PTPRQ: variants seen among roughly 807,000 people sequenced by gnomAD.
The protein encoded by PTPRQ is protein tyrosine phosphatase receptor type Q.
Under a neutral mutation model 246.0 loss-of-function variants are expected in PTPRQ, and 199 were observed. The ratio of observed to expected loss-of-function variants is 0.81; its 90% CI spans 0.72 to 0.91. The LOEUF is 0.91. Ranked by LOEUF, PTPRQ falls within the 40% of genes least tolerant of loss-of-function variation. PTPRQ has a pLI of 0.00. For synonymous variants in PTPRQ, 869 were observed against 853.2 expected (o/e 1.02, Z -0.32); for missense variants, 2,624 against 2,528.4 (o/e 1.04, Z -0.81).
chr12:80,568,374 T>TCAATATTTTATCCTTTGCAC (rs1372470002), intron 25 of PTPRQ, among the ~76,000 whole-genome samples: 3 of 152,198 alleles, frequency 2.0e-5, no homozygotes, highest in African/African-American at 7.2e-5. Flanking sequence ...AGATCAGTTT[T>TCAATATTTTATCCTTTGCAC]CAATATTTTA....
chr12:80,608,563 CTTATAAA>C (rs1898422550), intron 27 of PTPRQ, among the ~76,000 whole-genome samples: 1 of 148,766 alleles, frequency 6.7e-6, no homozygotes. Context: ...ATAAATTATA[CTTATAAA>C]TTATAAATTT....
At chr12:80,633,316 A>T (rs11114537) in intron 34 of PTPRQ, among the ~76,000 whole-genome samples, 25,445 of 152,232 alleles carry the variant, frequency 0.17, 2,719 homozygotes, top group Non-Finnish European at 0.24. Flanking sequence ...CACTTGTAAA[A>T]TATCCAGCTT....
chr12:80,545,447 G>T (rs1896274433), intron 23 of PTPRQ, among the ~76,000 whole-genome samples: 2 of 151,954 alleles, frequency 1.3e-5, no homozygotes, highest in African/African-American at 4.8e-5. Flanking sequence ...TTTATATTTT[G>T]TCAGATATAA....
chr12:80,484,376 C>G, intron 8 of PTPRQ, 57 bp from the exon 9 acceptor site: 1 of 1,468,858 alleles, frequency 6.8e-7, no homozygotes, highest in Non-Finnish European at 9.0e-7. Flanking sequence ...ACTTTTTTCA[C>G]TTGAAAAAAT....
At chr12:80,453,204 C>G (rs1354702349) in intron 3 of PTPRQ, among the ~76,000 whole-genome samples, 1 of 152,192 alleles carries the variant, frequency 6.6e-6, no homozygotes, top group Non-Finnish European at 1.5e-5. Context: ...CGAGCCTTGG[C>G]TTTCAGCTCC....
intron 29 of PTPRQ, 90 bp downstream of exon 29, chr12:80,613,926 G>A: frequency 7.5e-7 from 1 of 1,334,830 alleles, no homozygotes; most frequent in East Asian, 2.9e-5. Flanking sequence ...GTGTACACAT[G>A]ACATTTCCCA....
intron 3 of PTPRQ, among the ~76,000 whole-genome samples, chr12:80,450,861 T>A (rs928156753): frequency 1.3e-5 from 2 of 152,072 alleles, no homozygotes; most frequent in Admixed American, 6.6e-5. Flanking sequence ...TGTCTCTGCC[T>A]GGCTTTGGTA....
At chr12:80,581,717 A>G (rs1156554040) in intron 25 of PTPRQ, among the ~76,000 whole-genome samples, 13 of 152,204 alleles carry the variant, frequency 8.5e-5, no homozygotes, top group Non-Finnish European at 1.6e-4. Flanking sequence ...TGGAAAATAT[A>G]TCTTCATCAA....
At position 80,507,200 on chromosome 12, in the gene PTPRQ, A is replaced by G. The variant is rs576235763; in HGVS notation, c.2557+530A>G. Among the ~76,000 whole-genome samples, 8 of 140,540 alleles carry G rather than the reference A, an allele frequency of 5.7e-5. 1 individual carries two copies. Among genetic ancestry groups the G allele is most frequent in the African/African-American group, 2.3e-4 (8 of 34,712 alleles). The allele number at this position is 140,540 out of a possible 152,430, so 92.2% of individuals were successfully genotyped here. On this transcript the variant is annotated intron_variant, in intron 16 of 44. Coordinates refer to ENST00000644991, the MANE Select transcript of PTPRQ (RefSeq NM_001145026.2). ...TGAATATTTAAACATACCTTTCCCT[A>G]ACCCAAATAAAGTCAACTTTACTAC...
At chr12:80,548,508 G>C (rs957328008) in intron 24 of PTPRQ, among the ~76,000 whole-genome samples, 1 of 152,040 alleles carries the variant, frequency 6.6e-6, no homozygotes, top group Non-Finnish European at 1.5e-5. Context: ...TTATCTTACA[G>C]AGGAAGAAAA....
intron 25 of PTPRQ, among the ~76,000 whole-genome samples, chr12:80,573,180 A>G (rs1056174299): frequency 1.3e-5 from 2 of 152,118 alleles, no homozygotes; most frequent in African/African-American, 4.8e-5. Context: ...AACTACTCAT[A>G]CTTTCTTTTT....
intron 18 of PTPRQ, among the ~76,000 whole-genome samples, 182 bp downstream of exon 18, chr12:80,534,357 T>TG (rs544303261): frequency 2.6e-5 from 4 of 152,084 alleles, no homozygotes; most frequent in Non-Finnish European, 4.4e-5. Context: ...AATCTCTGTG[T>TG]GCCTCAATTT....
intron 38 of PTPRQ, among the ~76,000 whole-genome samples, chr12:80,656,650 C>A (rs1255246014): frequency 2.0e-5 from 3 of 151,908 alleles, no homozygotes; most frequent in Non-Finnish European, 4.4e-5. Context: ...TCTAGTTTTA[C>A]TAGCTCTTAA....
intron 6 of PTPRQ, among the ~76,000 whole-genome samples, chr12:80,464,044 A>T (rs1893307867): frequency 6.6e-6 from 1 of 152,084 alleles, no homozygotes; most frequent in Admixed American, 6.5e-5. Context: ...TAAATGGACT[A>T]AATGCTCCAA....
intron 17 of PTPRQ, among the ~76,000 whole-genome samples, chr12:80,515,908 T>C (rs984350798): frequency 1.3e-5 from 2 of 152,212 alleles, no homozygotes; most frequent in African/African-American, 4.8e-5. Flanking sequence ...ATTTGATTTG[T>C]AGATGGTATG....
At chr12:80,585,757 AGT>A (rs1410700383) in intron 25 of PTPRQ, among the ~76,000 whole-genome samples, 4 of 151,042 alleles carry the variant, frequency 2.6e-5, no homozygotes, top group Admixed American at 2.0e-4. Flanking sequence ...TTATACTTTA[AGT>A]TTTAGGGTAC....
chr12:80,622,102 A>C lies in PTPRQ; in HGVS notation c.5654A>C (p.Asp1885Ala). The part of the protein sequence containing the change: ...RATNIMGQFT[D>A]SDYSDPVKTL... ...ACAAATATTATGGGACAATTTACTGACTCTGATTATTCTGACCCTGTTAAG... is the reference window on the plus strand; with the variant it reads ...ACAAATATTATGGGACAATTTACTGCCTCTGATTATTCTGACCCTGTTAAG... Residue 1885 changes from aspartate to alanine, a missense_variant, in exon 33 of 45, where the codon GAC becomes GCC. Asp to Ala is a moderately radical substitution (Grantham distance 126). Transcript: ENST00000644991. The C allele has an allele frequency of 6.9e-7, 1 of 1,449,412 alleles. No individual in the cohort carries two copies. The highest frequency in any genetic ancestry group is 9.1e-7 in the Non-Finnish European group (1 of 1,097,638). The allele number at this position is 1,449,412 out of a possible 1,614,324, so 89.8% of individuals were successfully genotyped here.
intron 26 of PTPRQ, among the ~76,000 whole-genome samples, chr12:80,598,494 G>C (rs1221903018): frequency 6.6e-6 from 1 of 151,946 alleles, no homozygotes; most frequent in East Asian, 1.9e-4. Context: ...TAAGACACAG[G>C]AATCCACCAG....
chr12:80,669,529 T>G, intron 41 of PTPRQ, 65 bp downstream of exon 41: 2 of 1,489,140 alleles, frequency 1.3e-6, no homozygotes, highest in South Asian at 1.3e-5. Flanking sequence ...ATGTCTAAAA[T>G]AAAATTAATT....
Sources: allele counts gnomAD v4.1 joint callset (sites outside exome capture counted in the v4.1 genomes callset), GRCh38; gene constraint gnomAD v4.1.1; transcripts MANE v1.5; gene names NCBI Gene and HGNC (gene_info 2026-07-23, HGNC 2026-07-21).